Variants in TOX2 observed in about 807,000 individuals in gnomAD.
The protein encoded by TOX2 is granulosa cell HMG box 1.
In TOX2, 15 loss-of-function variants were observed where a neutral mutation model predicts 47.4. That is an observed-to-expected ratio of 0.32 (90% CI 0.21 to 0.49). The LOEUF (loss-of-function observed/expected upper bound fraction) is 0.49, where lower values mean the gene tolerates loss of function less well. TOX2 is among the 20% of genes least tolerant of loss of function. TOX2 has a pLI of 0.99. For missense variants in TOX2, 622 were observed against 673.1 expected (o/e 0.92, Z 0.84); for synonymous variants, 290 against 296.6 (o/e 0.98, Z 0.23).
intron 3 of TOX2, among the ~76,000 whole-genome samples, chr20:44,026,385 A>G (rs199769210): frequency 6.6e-6 from 1 of 151,330 alleles, no homozygotes; most frequent in Non-Finnish European, 1.5e-5. Context: ...AACATCGTAT[A>G]TTCTCACTCA....
chr20:43,997,139 A>G lies in TOX2; in HGVS notation c.166-9408A>G, dbSNP rs145683722. The stretch of plus-strand genomic sequence containing the variant: ...GTGAATCTTCACCTCTTTCTTATAC[A>G]GCATTGTGGTGGGAAATGGAGATCG... On this transcript the variant is annotated intron_variant, in intron 2 of 8. Coordinates refer to ENST00000341197, the MANE Select transcript of TOX2 (RefSeq NM_001098797.2). 3.9e-5 allele frequency among the ~76,000 whole-genome samples: 6 copies of G among 152,312 alleles called. No individual in the cohort carries two copies. In the East Asian group the frequency reaches 9.6e-4, roughly 24 times the overall value.
chr20:44,063,987 G>A (rs1027659450), intron 5 of TOX2, among the ~76,000 whole-genome samples: 1 of 152,158 alleles, frequency 6.6e-6, no homozygotes, highest in African/African-American at 2.4e-5. Flanking sequence ...TGATACAATG[G>A]ACTTTGGGGA....
intron 1 of TOX2, among the ~76,000 whole-genome samples, chr20:43,957,920 AC>A (rs2069694974): frequency 6.6e-6 from 1 of 152,180 alleles, no homozygotes; most frequent in Admixed American, 6.5e-5. Flanking sequence ...ATGAGAACTC[AC>A]TATCACGAGA....
At chr20:43,973,516 G>A in intron 2 of TOX2, 84 bp downstream of exon 2, 1 of 1,194,650 alleles carries the variant, frequency 8.4e-7, no homozygotes, top group South Asian at 1.2e-5. Context: ...GGTAGGGGGT[G>A]CAGAATGGGG....
intron 1 of TOX2, chr20:43,945,675 T>G: frequency 2.0e-6 from 1 of 489,276 alleles, no homozygotes; most frequent in Non-Finnish European, 3.7e-6. Context: ...CCTCCCCTTC[T>G]GCTCCCCGAG....
At chr20:43,920,488 G>C (rs1385064301) in intron 1 of TOX2, among the ~76,000 whole-genome samples, 5 of 152,172 alleles carry the variant, frequency 3.3e-5, no homozygotes, top group African/African-American at 1.2e-4. Context: ...GCTTAGAGCT[G>C]AGATGGCTGG....
At chr20:43,992,583 TGTC>T (rs1440421997) in intron 2 of TOX2, among the ~76,000 whole-genome samples, 1 of 151,898 alleles carries the variant, frequency 6.6e-6, no homozygotes, top group African/African-American at 2.4e-5. Flanking sequence ...TCTGAAAAAA[TGTC>T]GTGGTTGAAT....
intron 2 of TOX2, 54 bp from the exon 3 acceptor site, chr20:44,006,493 G>T (rs1285792621): frequency 4.5e-6 from 7 of 1,559,564 alleles, no homozygotes; most frequent in African/African-American, 2.7e-5. Flanking sequence ...TGTTGGGTAT[G>T]TTCTGCGGTT....
intron 3 of TOX2, among the ~76,000 whole-genome samples, chr20:44,032,619 T>C (rs903944054): frequency 6.6e-6 from 1 of 152,060 alleles, no homozygotes; most frequent in Non-Finnish European, 1.5e-5. Context: ...GTAAGGACTT[T>C]GGCTTTTACT....
At chr20:43,917,222 G>A (rs2069065622) in intron 1 of TOX2, among the ~76,000 whole-genome samples, 1 of 152,178 alleles carries the variant, frequency 6.6e-6, no homozygotes, top group Non-Finnish European at 1.5e-5. Flanking sequence ...AGGTCTTTTG[G>A]TAAGGGATTC....
At chr20:44,036,956 C>T (rs1176457295) in intron 3 of TOX2, among the ~76,000 whole-genome samples, 1 of 152,126 alleles carries the variant, frequency 6.6e-6, no homozygotes, top group East Asian at 1.9e-4. Flanking sequence ...TGTTTCTCAC[C>T]TCTTCTTTTC....
At chr20:44,033,236 T>G (rs2145694148) in intron 3 of TOX2, among the ~76,000 whole-genome samples, 1 of 152,118 alleles carries the variant, frequency 6.6e-6, no homozygotes, top group East Asian at 1.9e-4. Flanking sequence ...TCCTCTCTTT[T>G]GTGCTAGATT....
chr20:44,025,456 G>A (rs544321075), intron 3 of TOX2, among the ~76,000 whole-genome samples: 12 of 6,394 alleles, frequency 1.9e-3, no homozygotes, highest in South Asian at 0.018. Context: ...TTCACCAACC[G>A]ATGTTCCCAG....
At chr20:44,015,120 T>C (rs2070856544) in intron 3 of TOX2, among the ~76,000 whole-genome samples, 1 of 152,052 alleles carries the variant, frequency 6.6e-6, no homozygotes, top group Non-Finnish European at 1.5e-5. Flanking sequence ...GGGATGGAAG[T>C]AGGGGGAGCA....
intron 3 of TOX2, among the ~76,000 whole-genome samples, chr20:44,029,458 TG>T (rs2071115970): frequency 6.6e-6 from 1 of 152,146 alleles, no homozygotes; most frequent in Non-Finnish European, 1.5e-5. Flanking sequence ...GATCCTGCTC[TG>T]TGTGCGCTGC....
chr20:43,937,325 G>C (rs915289231), intron 1 of TOX2, among the ~76,000 whole-genome samples: 2 of 152,168 alleles, frequency 1.3e-5, no homozygotes, highest in African/African-American at 4.8e-5. Flanking sequence ...GAGCATTTCC[G>C]TGCGATGCAG....
rs1048590426 is a variant in TOX2, at chr20:44,054,505, C to A, written c.858C>A (p.Ser286Arg). ...VSKIVASMWD[S>R]LGEEQKQAYK... ...AAATCGTGGCCTCCATGTGGGACAG[C>A]CTGGGAGAGGAACAGAAGCAGGTGA... Residue 286 changes from serine (S) to arginine (R), a missense_variant, in exon 5 of 9, where the codon AGC becomes AGA. Ser to Arg is a moderately radical substitution (Grantham distance 110). Transcript: ENST00000341197. 1.2e-6 allele frequency: 2 copies of A among 1,613,846 alleles called. No homozygotes were observed. The highest frequency in any genetic ancestry group is 1.3e-5 in the African/African-American group (1 of 74,874).
intron 1 of TOX2, among the ~76,000 whole-genome samples, chr20:43,934,228 C>A (rs1036022154): frequency 2.0e-5 from 3 of 151,532 alleles, no homozygotes; most frequent in Non-Finnish European, 4.4e-5. Context: ...TCAGGGAGGA[C>A]TTCCTGGCAG....
intron 3 of TOX2, among the ~76,000 whole-genome samples, chr20:44,030,174 C>G (rs1330546455): frequency 6.6e-6 from 1 of 152,150 alleles, no homozygotes; most frequent in East Asian, 1.9e-4. Context: ...GCCACTCTCC[C>G]CTACCTGGCT....
Sources: gnomAD v4.1 joint callset for allele counts (sites outside exome capture counted in the v4.1 genomes callset) on GRCh38, gnomAD v4.1.1 for gene constraint, MANE v1.5 for transcripts, NCBI Gene and HGNC (gene_info 2026-07-23, HGNC 2026-07-21) for gene names.